Variants in CIB1 observed in about 807,000 individuals in gnomAD.
CIB1 encodes the protein calcium and integrin binding 1, also known as calcium and integrin-binding protein 1.
Under a neutral mutation model 25.0 loss-of-function variants are expected in CIB1, and 19 were observed. The ratio of observed to expected loss-of-function variants is 0.76; its 90% CI spans 0.53 to 1.12. The LOEUF (loss-of-function observed/expected upper bound fraction) is 1.12. Among genes scored for constraint, CIB1 ranks in the 50% most tolerant of loss-of-function variants. The pLI, the probability that CIB1 is intolerant of heterozygous loss-of-function variation, is 0.00. For missense variants in CIB1, 236 were observed against 242.6 expected, an observed-to-expected ratio of 0.97 and a Z score of 0.18; for synonymous variants, 104 against 98.5, an observed-to-expected ratio of 1.06 and a Z score of -0.33.
chr15:90,241,707 G>A, the CIB1 span: 8 of 1,614,236 alleles, frequency 5.0e-6, no homozygotes, highest in East Asian at 1.8e-4. Context: ...GCCTGACTTG[G>A]AGTCCTTGAT....
the CIB1 span, chr15:90,255,741 T>C: frequency 6.2e-7 from 1 of 1,614,188 alleles, no homozygotes; most frequent in Non-Finnish European, 8.5e-7. Flanking sequence ...TCATACTAAC[T>C]GGCTGTGTTT....
the CIB1 span, among the ~76,000 whole-genome samples, chr15:90,246,787 CAAAAAAAAAAAAAAAAAAAAAAA>C: frequency 1.3e-3 from 58 of 45,242 alleles, no homozygotes; most frequent in East Asian, 7.2e-3. Flanking sequence ...GACTCTGTCT[CAAAAAAAAAAAAAAAAAAAAAAA>C]AAAAAAAAAA....
chr15:90,243,149 C>T, the CIB1 span: 2 of 152,226 alleles, frequency 1.3e-5, no homozygotes, highest in Admixed American at 1.3e-4. Context: ...TGAGCTGCCA[C>T]TTCTGTTCTC....
At chr15:90,262,359 C>G in the CIB1 span, 2 of 1,150,358 alleles carry the variant, frequency 1.7e-6, no homozygotes, top group Admixed American at 3.0e-5. Flanking sequence ...TTCCTATCTT[C>G]CCCTCTCATT....
At chr15:90,257,998 G>C in the CIB1 span, 2 of 1,590,174 alleles carry the variant, frequency 1.3e-6, no homozygotes, top group South Asian at 2.2e-5. Context: ...TGGCCCAGTG[G>C]CCTAGAAACT....
chr15:90,247,049 C>T, the CIB1 span, among the ~76,000 whole-genome samples: 1 of 151,128 alleles, frequency 6.6e-6, no homozygotes. Context: ...GATCTTGGCT[C>T]ACTGCAACCT....
At chr15:90,256,278 G>A in the CIB1 span, 1 of 1,614,164 alleles carries the variant, frequency 6.2e-7, no homozygotes, top group African/African-American at 1.3e-5. Flanking sequence ...CATATGATCT[G>A]CCAGCAATAC....
chr15:90,255,792 G>A, the CIB1 span: 16 of 1,613,978 alleles, frequency 9.9e-6, 1 homozygote, highest in African/African-American at 1.3e-4. Context: ...GAAATCTGCC[G>A]CAAAGATCTG....
the CIB1 span, chr15:90,262,657 C>A: frequency 1.1e-5 from 16 of 1,491,262 alleles, no homozygotes; most frequent in Non-Finnish European, 1.4e-5. Flanking sequence ...GGAACCGCAA[C>A]TGGGAGAAAG....
upstream of CIB1, among the ~76,000 whole-genome samples, chr15:90,236,343 A>G (rs1333481082): frequency 6.6e-6 from 1 of 152,086 alleles, no homozygotes; most frequent in East Asian, 1.9e-4. Flanking sequence ...AGCCATAAGT[A>G]TCTCTTTATA....
chr15:90,241,578 C>T, the CIB1 span: 1 of 1,613,426 alleles, frequency 6.2e-7, no homozygotes, highest in Non-Finnish European at 8.5e-7. Context: ...TGGCTATTAC[C>T]TGGCCCACAG....
At chr15:90,240,464 C>T in the CIB1 span, among the ~76,000 whole-genome samples, 6 of 151,660 alleles carry the variant, frequency 4.0e-5, no homozygotes, top group Admixed American at 1.3e-4. Context: ...GCCAAGATCG[C>T]GCCACTGCCC....
At chr15:90,263,643 C>T in the CIB1 span, 5 of 598,438 alleles carry the variant, frequency 8.4e-6, no homozygotes, top group East Asian at 5.5e-5. Context: ...AAATAGTGGC[C>T]GCGGCCTAGA....
rs1962475757 is a variant in CIB1, at chr15:90,231,158, G to A, written c.402C>T (p.Cys134=). Residue 134 remains cysteine (C), a synonymous_variant, in exon 5 of 7, where the codon TGC becomes TGT. Transcript: ENST00000328649. The part of the protein sequence containing the change: ...NREDLSRLVN[C]LTGEGEDTRL... Reference sequence around the variant, plus strand: ...GTGTGTCCTCGCCCTCTCCCGTGAGGCAGTTCACCAGCCGGCTCAGGTCTT... The same window carrying A: ...GTGTGTCCTCGCCCTCTCCCGTGAGACAGTTCACCAGCCGGCTCAGGTCTT... The A allele has an allele frequency of 2.5e-6, 4 of 1,614,186 alleles. No homozygotes were observed. Among genetic ancestry groups the A allele is most frequent in the Non-Finnish European group, 2.5e-6 (3 of 1,180,044 alleles).
intron 2 of CIB1, among the ~76,000 whole-genome samples, chr15:90,232,681 C>T (rs8041338): frequency 0.49 from 74,498 of 151,520 alleles, 18,801 homozygotes; most frequent in East Asian, 0.82. Flanking sequence ...CCAAGGCGGG[C>T]GGAGCTTTGG....
chr15:90,240,207 A>C, the CIB1 span, among the ~76,000 whole-genome samples: 2 of 149,522 alleles, frequency 1.3e-5, no homozygotes, highest in Non-Finnish European at 3.0e-5. Flanking sequence ...TGGGTGACAG[A>C]GTGATAAATA....
chr15:90,258,526 ACTAT>A, the CIB1 span: 18 of 614,414 alleles, frequency 2.9e-5, no homozygotes, highest in African/African-American at 2.2e-4. Context: ...TTAGGGACAC[ACTAT>A]CTAGAGAGGC....
Position 90,230,502 on chromosome 15 carries a change from G to A in CIB1, c.558C>T (p.Ser186=). ...GCTGCTGTCACAGGACAATCTTAAA[G>A]GAGCTGAACAAGAGAAAAGCGGTGG... is the stretch of plus-strand genomic sequence containing the variant. ...VISRSPDFAS[S]FKIVL is the part of the protein sequence containing the mutation. Residue 186 remains serine (S), a synonymous_variant, in exon 7 of 7, where the codon TCC becomes TCT. Coordinates refer to ENST00000328649, the MANE Select transcript of CIB1 (RefSeq NM_006384.4). The A allele has an allele frequency of 6.4e-7, 1 of 1,551,704 alleles. No individual in the cohort carries two copies. The highest frequency in any genetic ancestry group is 8.7e-7 in the Non-Finnish European group (1 of 1,146,996).
intron 4 of CIB1, 67 bp from the exon 5 acceptor site, chr15:90,231,280 C>T: frequency 6.2e-7 from 1 of 1,608,080 alleles, no homozygotes; most frequent in African/African-American, 1.3e-5. Flanking sequence ...CCAAACGGCG[C>T]CCATTTCCCA....
Sources: gnomAD v4.1 joint callset for allele counts (sites outside exome capture counted in the v4.1 genomes callset) on GRCh38, gnomAD v4.1.1 for gene constraint, MANE v1.5 for transcripts, NCBI Gene and HGNC (gene_info 2026-07-23, HGNC 2026-07-21) for gene names.